The following ZNF600 variants were observed in gnomAD, a reference collection of about 807,000 sequenced individuals.
ZNF600 encodes the protein zinc finger protein KR-ZNF1.
A neutral mutation model predicts 7.3 loss-of-function variants in ZNF600; 4 were observed. That is an observed-to-expected ratio of 0.55 (90% CI 0.27 to 1.25). ZNF600 has a LOEUF of 1.25. ZNF600 is among the 50% of genes most tolerant of loss of function. ZNF600 has a pLI of 0.12. For missense variants in ZNF600, 911 were observed against 922.1 expected (o/e 0.99, Z 0.16); for synonymous variants, 290 against 308.9 (o/e 0.94, Z 0.64).
the ZNF600 span, among the ~76,000 whole-genome samples, chr19:52,794,072 G>T: frequency 6.6e-6 from 1 of 151,928 alleles, no homozygotes; most frequent in Non-Finnish European, 1.5e-5. Context: ...TCCCAGCAGA[G>T]AGCTGAGGAG....
the ZNF600 span, among the ~76,000 whole-genome samples, chr19:52,833,189 T>C: frequency 4.7e-4 from 71 of 152,322 alleles, no homozygotes; most frequent in South Asian, 2.1e-4. Context: ...AATGTATGTA[T>C]TTCATATGTA....
chr19:52,826,142 C>T, the ZNF600 span, among the ~76,000 whole-genome samples: 2 of 152,194 alleles, frequency 1.3e-5, no homozygotes, highest in East Asian at 1.9e-4. Flanking sequence ...TTTCTTTGTC[C>T]GGGAGTGGTT....
chr19:52,793,489 C>G, the ZNF600 span, among the ~76,000 whole-genome samples: 2 of 152,130 alleles, frequency 1.3e-5, no homozygotes, highest in African/African-American at 4.8e-5. Context: ...ATCACCCTCC[C>G]AACAAAGGAA....
At chr19:52,817,264 C>T in the ZNF600 span, among the ~76,000 whole-genome samples, 1 of 151,980 alleles carries the variant, frequency 6.6e-6, no homozygotes, top group South Asian at 2.1e-4. Context: ...GCCAGCTACT[C>T]GGGAGGCTGA....
At chr19:52,808,806 C>G in the ZNF600 span, among the ~76,000 whole-genome samples, 2 of 151,916 alleles carry the variant, frequency 1.3e-5, no homozygotes, top group Admixed American at 1.3e-4. Context: ...AACCGAGACC[C>G]CATCTCAAAA....
At chr19:52,800,635 T>C in the ZNF600 span, 2 of 1,613,364 alleles carry the variant, frequency 1.2e-6, no homozygotes, top group African/African-American at 1.3e-5. Flanking sequence ...CCAGTATGAA[T>C]CCTCTTATGT....
chr19:52,829,663 C>T, the ZNF600 span, among the ~76,000 whole-genome samples: 70 of 152,146 alleles, frequency 4.6e-4, no homozygotes, highest in Middle Eastern at 3.4e-3. Context: ...CTTGAGCCAC[C>T]GCACCCGGCC....
At chr19:52,766,994 G>T in exon 4 of ZNF600, 7 of 1,614,124 alleles carry the variant, frequency 4.3e-6, no homozygotes, top group Non-Finnish European at 5.9e-6. Flanking sequence ...TTTGACCAAA[G>T]ATCTTGCCAC....
At chr19:52,817,635 A>C in the ZNF600 span, among the ~76,000 whole-genome samples, 1 of 152,068 alleles carries the variant, frequency 6.6e-6, no homozygotes, top group Non-Finnish European at 1.5e-5. Flanking sequence ...CAGTGCATCC[A>C]GATGTGGCCC....
intron 1 of ZNF600, among the ~76,000 whole-genome samples, chr19:52,782,945 A>AG (rs1247199433): frequency 6.6e-6 from 1 of 151,752 alleles, no homozygotes; most frequent in East Asian, 1.9e-4. Context: ...GGAACTAGAA[A>AG]AAAAAATTAC....
chr19:52,806,170 A>T, the ZNF600 span: 5 of 146,070 alleles, frequency 3.4e-5, no homozygotes, highest in African/African-American at 1.3e-4. Flanking sequence ...GGAGAAGAAG[A>T]AGTCATTTTT....
intron 3 of ZNF600, among the ~76,000 whole-genome samples, 192 bp from the exon 6 acceptor site, chr19:52,767,964 A>G (rs1038409010): frequency 1.3e-5 from 2 of 152,180 alleles, no homozygotes; most frequent in African/African-American, 4.8e-5. Context: ...AATCAATTCT[A>G]TGAAAGTCTA....
the ZNF600 span, among the ~76,000 whole-genome samples, chr19:52,829,108 C>T: frequency 3.3e-5 from 5 of 152,272 alleles, no homozygotes; most frequent in Admixed American, 2.6e-4. Flanking sequence ...TTGTGATTCA[C>T]CCGCCTCGGC....
chr19:52,796,194 G>A, the ZNF600 span, among the ~76,000 whole-genome samples: 1 of 152,130 alleles, frequency 6.6e-6, no homozygotes, highest in East Asian at 1.9e-4. Flanking sequence ...GACAAAAGAG[G>A]AAACACATGC....
At chr19:52,800,781 T>A in the ZNF600 span, 1 of 1,614,178 alleles carries the variant, frequency 6.2e-7, no homozygotes, top group African/African-American at 1.3e-5. Flanking sequence ...ATTACACTTG[T>A]AAGGTTTCTC....
the ZNF600 span, among the ~76,000 whole-genome samples, chr19:52,811,065 T>C: frequency 1.3e-5 from 2 of 150,228 alleles, no homozygotes; most frequent in Admixed American, 6.6e-5. Context: ...GGTTTTCGTT[T>C]TTTTTTTTGG....
At chr19:52,827,969 A>G in the ZNF600 span, among the ~76,000 whole-genome samples, 2 of 152,276 alleles carry the variant, frequency 1.3e-5, no homozygotes, top group East Asian at 1.9e-4. Flanking sequence ...CTGGCTTTTC[A>G]GAAAGAAAGG....
At chr19:52,799,895 G>C in the ZNF600 span, 1 of 1,602,512 alleles carries the variant, frequency 6.2e-7, no homozygotes, top group Non-Finnish European at 8.5e-7. Flanking sequence ...GATGGTATAC[G>C]AGGGATGACA....
the ZNF600 span, among the ~76,000 whole-genome samples, chr19:52,818,645 T>G: frequency 6.6e-6 from 1 of 152,024 alleles, no homozygotes; most frequent in South Asian, 2.1e-4. Flanking sequence ...AGGTGGAGGT[T>G]GCAGTGACCC....
Sources: allele counts gnomAD v4.1 joint callset (sites outside exome capture counted in the v4.1 genomes callset), GRCh38; gene constraint gnomAD v4.1.1; transcripts MANE v1.5; gene names NCBI Gene and HGNC (gene_info 2026-07-23, HGNC 2026-07-21).